The following HSPD1 variants were observed in gnomAD, a reference collection of about 807,000 sequenced individuals.
HSPD1 encodes 60 kDa heat shock protein, mitochondrial.
HSPD1 carries 3 observed loss-of-function variants against 53.0 expected under a neutral mutation model. The ratio of observed to expected loss-of-function variants is 0.06; its 90% CI spans 0.03 to 0.15. The LOEUF (loss-of-function observed/expected upper bound fraction) is 0.15, where lower values mean the gene tolerates loss of function less well. HSPD1 is among the 10% of genes least tolerant of loss of function. The probability of loss-of-function intolerance (pLI) is 1.00; values close to 1 mark genes in which losing one functional copy is unlikely to be tolerated. For missense variants in HSPD1, 431 were observed against 694.1 expected (o/e 0.62, Z 4.26); for synonymous variants, 200 against 228.0 (o/e 0.88, Z 1.10).
At chr2:197,495,988 A>G (rs571183298) in intron 3 of HSPD1, among the ~76,000 whole-genome samples, 12 of 152,276 alleles carry the variant, frequency 7.9e-5, no homozygotes, top group South Asian at 6.2e-4. Context: ...GCTGTTTCCA[A>G]TAGGGTCCAC....
chr2:197,494,196 G>A lies in HSPD1; in HGVS notation c.661C>T (p.Arg221Ter). Reference sequence around the variant, plus strand: ...ATAAAGTATGGAGAAATATAGCCTCGATCAAACTTCATGCCTTCAATAATT... The same window carrying A: ...ATAAAGTATGGAGAAATATAGCCTCAATCAAACTTCATGCCTTCAATAATT... ...LEIIEGMKFD[R>*]GYISPYFINT... Residue 221 changes from arginine to a stop codon, truncating the protein, a stop_gained, in exon 6 of 12, where the codon CGA becomes TGA. Coordinates refer to ENST00000388968, the MANE Select transcript of HSPD1 (RefSeq NM_002156.5). LOFTEE classifies it high-confidence loss of function. 1 of 1,549,748 alleles carries A rather than the reference G, an allele frequency of 6.5e-7. No homozygotes were observed. Among genetic ancestry groups the A allele is most frequent in the Non-Finnish European group, 8.9e-7 (1 of 1,122,794 alleles).
intron 3 of HSPD1, among the ~76,000 whole-genome samples, chr2:197,495,956 T>C (rs2086152455): frequency 1.3e-5 from 2 of 152,208 alleles, no homozygotes; most frequent in South Asian, 4.1e-4. Context: ...ACTCATCCTA[T>C]GCAAATTCCT....
At chr2:197,499,105 A>G in intron 1 of HSPD1, 1 of 555,330 alleles carries the variant, frequency 1.8e-6, no homozygotes, top group East Asian at 3.2e-5. Context: ...CCCCACGGCC[A>G]CCTATCCCTG....
At chr2:197,487,279 G>A in intron 11 of HSPD1, 81 bp from the exon 12 acceptor site, 1 of 1,260,684 alleles carries the variant, frequency 7.9e-7, no homozygotes, top group Non-Finnish European at 1.1e-6. Flanking sequence ...TGGGCATGGT[G>A]GCTCACACCT....
intron 3 of HSPD1, 180 bp downstream of exon 3, chr2:197,496,960 C>T: frequency 1.5e-6 from 1 of 664,690 alleles, no homozygotes; most frequent in Non-Finnish European, 2.7e-6. Context: ...CCTAACAGTA[C>T]CTACCCACCA....
chr2:197,491,186 G>T (rs958891486), intron 7 of HSPD1, among the ~76,000 whole-genome samples: 27 of 146,452 alleles, frequency 1.8e-4, no homozygotes, highest in South Asian at 8.5e-4. Context: ...TCTTTTTTTT[G>T]TGTGTTTTTT....
intron 10 of HSPD1, 112 bp downstream of exon 10, chr2:197,488,205 A>T: frequency 1.9e-6 from 2 of 1,050,556 alleles, no homozygotes; most frequent in Non-Finnish European, 2.9e-6. Flanking sequence ...GCACTATTCT[A>T]CTTCTGTTAT....
Position 197,488,083 on chromosome 2 carries a change from T to C in HSPD1, c.1391-47A>G, listed in dbSNP as rs752062070. 3.8e-5 allele frequency: 49 copies of C among 1,304,450 alleles called. No homozygotes were observed. In the Middle Eastern group the frequency reaches 6.1e-4, roughly 16 times the overall value. 80.8% of individuals were successfully genotyped at this position (1,304,450 alleles called of 1,614,324 possible). On this transcript the variant is annotated intron_variant, in intron 10 of 11. Transcript: ENST00000388968. Reference sequence around the variant, plus strand: ...ATTTTAATACTTTCATTTGTAAATATTGTAACACATTTATAAGTTGTGAGG... The same window carrying C: ...ATTTTAATACTTTCATTTGTAAATACTGTAACACATTTATAAGTTGTGAGG...
Position 197,488,989 on chromosome 2 carries a change from T to C in HSPD1, c.1215+13A>G, listed in dbSNP as rs1347322426. The C allele has an allele frequency of 1.9e-6, 3 of 1,613,786 alleles. No individual in the cohort carries two copies. The highest frequency in any genetic ancestry group is 1.7e-5 in the Admixed American group (1 of 60,000). On this transcript the variant is annotated intron_variant, in intron 9 of 11. Transcript: ENST00000388968. ...CAGAACCCAAGAAACTTATTCATAA[T>C]AATGAATGTTACCTTCAGCACAGCC...
At chr2:197,494,633 C>G (rs754822404) in intron 5 of HSPD1, 24 bp downstream of exon 5, 1 of 1,435,572 alleles carries the variant, frequency 7.0e-7, no homozygotes, top group Non-Finnish European at 9.8e-7. Flanking sequence ...TCAAAATTAT[C>G]TTTAAAAATA....
upstream of HSPD1, chr2:197,500,196 C>A: frequency 1.7e-6 from 1 of 594,596 alleles, no homozygotes; most frequent in South Asian, 2.1e-5. Flanking sequence ...GAAACAGCTC[C>A]TTTTTTCTTC....
At position 197,489,211 on chromosome 2, in the gene HSPD1, C is replaced by T. The variant is rs2086061684; in HGVS notation, c.1006G>A (p.Asp336Asn). 6.2e-7 allele frequency: 1 copy of T among 1,614,028 alleles called. No homozygotes were observed. The highest frequency in any genetic ancestry group is 2.2e-5 in the East Asian group (1 of 44,902). Residue 336 changes from aspartate (D) to asparagine (N), a missense_variant, in exon 9 of 12, where the codon GAC becomes AAC. Physicochemically the swap from Asp to Asn is conservative, Grantham distance 23. Coordinates refer to ENST00000388968, the MANE Select transcript of HSPD1 (RefSeq NM_002156.5). ...TTTCCTAAGTCATGAGGCTGAACGT[C>T]TTCAAGATTCAGGGTCAATCCCTCT... The part of the protein sequence containing the change: ...GEEGLTLNLE[D>N]VQPHDLGKVG...
At chr2:197,498,917 A>C (rs2086197678) in intron 1 of HSPD1, 67 bp from the exon 2 acceptor site, 2 of 1,394,040 alleles carry the variant, frequency 1.4e-6, no homozygotes, top group Non-Finnish European at 2.0e-6. Context: ...AAACATGCCC[A>C]CCTGTGCAAC....
intron 4 of HSPD1, 88 bp from the exon 5 acceptor site, chr2:197,494,840 T>C: frequency 3.5e-6 from 3 of 851,150 alleles, no homozygotes; most frequent in Non-Finnish European, 6.1e-6. Context: ...AACTTCCAAA[T>C]TGATACTTCC....
upstream of HSPD1, chr2:197,500,239 A>C: frequency 1.5e-6 from 1 of 670,300 alleles, no homozygotes; most frequent in Non-Finnish European, 2.6e-6. Flanking sequence ...CGTCCTGCGC[A>C]GGGCCCTTGG....
chr2:197,498,903 GAACA>G (rs1210647657), intron 1 of HSPD1, 53 bp from the exon 2 acceptor site: 5 of 1,502,066 alleles, frequency 3.3e-6, no homozygotes, highest in Admixed American at 1.7e-5. Flanking sequence ...GTGCGCTGCA[GAACA>G]AACATGCCCA....
intron 2 of HSPD1, 142 bp from the exon 3 acceptor site, chr2:197,497,534 C>A: frequency 1.3e-6 from 1 of 785,644 alleles, no homozygotes. Context: ...CAGCATGAAC[C>A]TCAAGGGCAA....
intron 3 of HSPD1, among the ~76,000 whole-genome samples, chr2:197,496,256 C>CA (rs995532871): frequency 2.6e-5 from 4 of 151,866 alleles, no homozygotes; most frequent in African/African-American, 9.7e-5. Context: ...ACTGTTACTT[C>CA]AAAAAAAATC....
rs1193492324 is a variant in HSPD1, at chr2:197,488,398, C to T, written c.1309G>A (p.Val437Ile). The change falls in exon 10 of 12, where the codon GTT becomes ATT. Residue 437 changes from valine (V) to isoleucine (I), a missense_variant. Transcript: ENST00000388968. ...AGGAGGGCACAACCCCCTCCCAAAA[C>T]AATGCCTTCTTCAACAGCAGCTCTT... ...ATRAAVEEGI[V>I]LGGGCALLRC... 6.2e-7 allele frequency: 1 copy of T among 1,613,928 alleles called. No homozygotes were observed. Among genetic ancestry groups the T allele is most frequent in the African/African-American group, 1.3e-5 (1 of 75,062 alleles).
Sources: gnomAD v4.1 joint callset for allele counts (sites outside exome capture counted in the v4.1 genomes callset) on GRCh38, gnomAD v4.1.1 for gene constraint, MANE v1.5 for transcripts, NCBI Gene and HGNC (gene_info 2026-07-23, HGNC 2026-07-21) for gene names.